MINPP1: variants seen among roughly 807,000 people sequenced by gnomAD.
MINPP1 encodes multiple inositol-polyphosphate phosphatase 1, also known as multiple inositol polyphosphate phosphatase 1.
MINPP1 carries 28 observed loss-of-function variants against 46.1 expected under a neutral mutation model. That is an observed-to-expected ratio of 0.61 (90% CI 0.45 to 0.83). MINPP1 has a LOEUF of 0.83. Among genes scored for constraint, MINPP1 ranks in the 40% least tolerant of loss-of-function variants. The pLI, the probability that MINPP1 is intolerant of heterozygous loss-of-function variation, is 0.00. For missense variants in MINPP1, 603 were observed against 610.0 expected (o/e 0.99, Z 0.12); for synonymous variants, 268 against 249.1 (o/e 1.08, Z -0.72).
intron 4 of MINPP1, among the ~76,000 whole-genome samples, chr10:87,535,492 A>G (rs1476610045): frequency 2.0e-5 from 3 of 152,242 alleles, no homozygotes; most frequent in Admixed American, 1.3e-4. Flanking sequence ...GTATTGAGCA[A>G]AGGCCTATGT....
intron 3 of MINPP1, among the ~76,000 whole-genome samples, chr10:87,515,868 G>A (rs749002974): frequency 6.5e-5 from 8 of 123,588 alleles, no homozygotes; most frequent in Non-Finnish European, 1.1e-4. Context: ...TTCCTCTGTC[G>A]CCCAGGCTGG....
rs1851981169 is a variant in MINPP1, at chr10:87,552,606, A to G, written c.*128A>G. On this transcript the variant is annotated 3_prime_UTR_variant, in exon 5 of 5. Transcript: ENST00000371996. Reference sequence around the variant, plus strand: ...TGAGTATTTCTGTCTTTTCACAGAAAAACATTGGGTTTCTCTCTGGGTTTG... The same window carrying G: ...TGAGTATTTCTGTCTTTTCACAGAAGAACATTGGGTTTCTCTCTGGGTTTG... 1 of 969,842 alleles carries G rather than the reference A, an allele frequency of 1.0e-6. No individual in the cohort carries two copies. The highest frequency in any genetic ancestry group is 1.6e-5 in the African/African-American group (1 of 61,336). The allele number at this position is 969,842 out of a possible 1,614,324, so 60.1% of individuals were successfully genotyped here.
intron 4 of MINPP1, among the ~76,000 whole-genome samples, chr10:87,540,495 T>TCACACACACACACACA (rs3062345): frequency 4.7e-5 from 7 of 149,168 alleles, no homozygotes; most frequent in African/African-American, 1.5e-4. Context: ...TCTCTCTCTG[T>TCACACACACACACACA]CACACACACA....
intron 3 of MINPP1, among the ~76,000 whole-genome samples, chr10:87,519,827 C>A (rs1851473442): frequency 6.6e-6 from 1 of 152,136 alleles, no homozygotes. Context: ...GTGGTTTTAG[C>A]TACAGGTTTT....
At chr10:87,520,937 A>G (rs1851492031) in intron 3 of MINPP1, 99 bp from the exon 4 acceptor site, 3 of 640,738 alleles carry the variant, frequency 4.7e-6, no homozygotes, top group Non-Finnish European at 8.2e-6. Flanking sequence ...CAGAATGGTA[A>G]TTAAACATTG....
chr10:87,511,717 A>AT (rs34844494), intron 2 of MINPP1, among the ~76,000 whole-genome samples: 6 of 149,690 alleles, frequency 4.0e-5, no homozygotes, highest in Non-Finnish European at 7.4e-5. Flanking sequence ...TTTTTGGTGA[A>AT]TTTTTTTTTT....
At chr10:87,528,368 AC>A (rs1258501706) in intron 4 of MINPP1, among the ~76,000 whole-genome samples, 3 of 152,132 alleles carry the variant, frequency 2.0e-5, no homozygotes, top group Non-Finnish European at 2.9e-5. Context: ...TTCCCTGTAC[AC>A]CCTGCTTTAA....
intron 4 of MINPP1, among the ~76,000 whole-genome samples, chr10:87,544,531 C>T (rs530996996): frequency 6.6e-6 from 1 of 152,176 alleles, no homozygotes; most frequent in African/African-American, 2.4e-5. Context: ...CATGCCTTTG[C>T]CTTTTTGCTG....
At chr10:87,513,305 C>G in intron 3 of MINPP1, 84 bp downstream of exon 3, 1 of 951,086 alleles carries the variant, frequency 1.1e-6, no homozygotes. Context: ...CTTGAAGCAG[C>G]TTTTCAGAAA....
chr10:87,530,026 A>C (rs1851634757), intron 4 of MINPP1, among the ~76,000 whole-genome samples: 1 of 152,150 alleles, frequency 6.6e-6, no homozygotes, highest in African/African-American at 2.4e-5. Flanking sequence ...TGCATCACTT[A>C]GTTCTCGTGC....
chr10:87,530,829 C>G (rs1263471053), intron 4 of MINPP1, among the ~76,000 whole-genome samples: 1 of 152,162 alleles, frequency 6.6e-6, no homozygotes, highest in Non-Finnish European at 1.5e-5. Context: ...GGCAGGCCTC[C>G]TTGAGTTGCA....
intron 4 of MINPP1, among the ~76,000 whole-genome samples, chr10:87,534,012 C>G (rs145917944): frequency 5.1e-4 from 72 of 142,386 alleles, no homozygotes; most frequent in Non-Finnish European, 9.2e-4. Context: ...TGCTAGGAAT[C>G]TCTGTAGTGT....
intron 4 of MINPP1, among the ~76,000 whole-genome samples, chr10:87,536,487 C>CAT (rs906949815): frequency 1.5e-4 from 23 of 151,492 alleles, no homozygotes; most frequent in Non-Finnish European, 3.1e-4. Flanking sequence ...TATATATATA[C>CAT]GCCCATGAAA....
intron 4 of MINPP1, among the ~76,000 whole-genome samples, chr10:87,528,051 T>G (rs1851602927): frequency 6.6e-6 from 1 of 152,094 alleles, no homozygotes; most frequent in Non-Finnish European, 1.5e-5. Context: ...TTGGTGGTGA[T>G]ATCCCCTTTA....
At chr10:87,520,499 A>G (rs567925732) in intron 3 of MINPP1, among the ~76,000 whole-genome samples, 2 of 152,072 alleles carry the variant, frequency 1.3e-5, no homozygotes, top group African/African-American at 4.8e-5. Context: ...TTTTATTATT[A>G]TTTTTTCACC....
chr10:87,551,173 G>A (rs1851957572), intron 4 of MINPP1, among the ~76,000 whole-genome samples: 1 of 151,780 alleles, frequency 6.6e-6, no homozygotes, highest in African/African-American at 2.4e-5. Context: ...TTTGCTATCT[G>A]CTTGCTGTGT....
At chr10:87,518,298 G>A (rs1279958991) in intron 3 of MINPP1, among the ~76,000 whole-genome samples, 1 of 151,608 alleles carries the variant, frequency 6.6e-6, no homozygotes, top group African/African-American at 2.4e-5. Flanking sequence ...TGGTAAGCAT[G>A]TGAGAATTTT....
At chr10:87,544,943 CA>C in intron 4 of MINPP1, among the ~76,000 whole-genome samples, 1 of 151,996 alleles carries the variant, frequency 6.6e-6, no homozygotes. Context: ...TGAGATAAAG[CA>C]AAAAATACTT....
At chr10:87,524,581 G>A (rs949794868) in intron 4 of MINPP1, among the ~76,000 whole-genome samples, 1 of 152,170 alleles carries the variant, frequency 6.6e-6, no homozygotes, top group East Asian at 1.9e-4. Context: ...GCCTGTTTCA[G>A]CTTAGGACAT....
Sources: gnomAD v4.1 joint callset for allele counts (sites outside exome capture counted in the v4.1 genomes callset) on GRCh38, gnomAD v4.1.1 for gene constraint, MANE v1.5 for transcripts, NCBI Gene and HGNC (gene_info 2026-07-23, HGNC 2026-07-21) for gene names.